ADAM19: variants seen among roughly 807,000 people sequenced by gnomAD.
The protein encoded by ADAM19 is ADAM metallopeptidase domain 19, also known as disintegrin and metalloproteinase domain-containing protein 19.
In ADAM19, 65 loss-of-function variants were observed where a neutral mutation model predicts 114.7. The ratio of observed to expected loss-of-function variants is 0.57; its 90% CI spans 0.46 to 0.70. The LOEUF is 0.70. Among genes scored for constraint, ADAM19 ranks in the 30% least tolerant of loss-of-function variants. ADAM19 has a pLI of 0.00. For synonymous variants in ADAM19, 466 were observed against 460.5 expected (o/e 1.01, Z -0.15); for missense variants, 1,063 against 1,204.7 (o/e 0.88, Z 1.74).
At chr5:157,502,715 G>C in intron 12 of ADAM19, 88 bp downstream of exon 12, 7 of 1,471,732 alleles carry the variant, frequency 4.8e-6, no homozygotes, top group Non-Finnish European at 6.6e-6. Context: ...CTGTGACTAA[G>C]AAATTTTCAA....
chr5:157,530,965 A>T, intron 4 of ADAM19, 82 bp from the exon 5 acceptor site: 1 of 1,226,136 alleles, frequency 8.2e-7, no homozygotes, highest in Non-Finnish European at 1.2e-6. Context: ...GTCATGGATG[A>T]CTCATGGCTT....
At chr5:157,495,600 G>A (rs2113704581) in intron 14 of ADAM19, among the ~76,000 whole-genome samples, 1 of 152,140 alleles carries the variant, frequency 6.6e-6, no homozygotes, top group East Asian at 1.9e-4. Flanking sequence ...GTATCTTCTA[G>A]AGATAATCTA....
At chr5:157,571,515 T>C (rs1757827357) in intron 1 of ADAM19, among the ~76,000 whole-genome samples, 1 of 152,158 alleles carries the variant, frequency 6.6e-6, no homozygotes, top group Non-Finnish European at 1.5e-5. Flanking sequence ...AAGACAGCCA[T>C]GGGTCTGATA....
rs1023832836 is a variant in ADAM19 at position 157,494,792 on chromosome 5, G to A, written c.1598C>T (p.Ala533Val). The A allele has an allele frequency of 2.5e-6, 4 of 1,613,256 alleles. No homozygotes were observed. Among genetic ancestry groups the A allele is most frequent in the African/African-American group, 1.3e-5 (1 of 74,884 alleles). The change falls in exon 15 of 23, where the codon GCC becomes GTC. Residue 533 changes from alanine (A) to valine (V), a missense_variant. Coordinates refer to ENST00000257527, the MANE Select transcript of ADAM19 (RefSeq NM_033274.5). ...EQCQQLWGPG[A>V]RPAPDLCFEK... is the part of the protein sequence containing the mutation. Reference sequence around the variant, plus strand: ...GAAGCAGAGGTCAGGGGCAGGTCGGGCTCCTGGGTGGGCAAGCAACATCTA... The same window carrying A: ...GAAGCAGAGGTCAGGGGCAGGTCGGACTCCTGGGTGGGCAAGCAACATCTA...
intron 3 of ADAM19, among the ~76,000 whole-genome samples, chr5:157,558,405 C>G (rs1757421746): frequency 1.3e-5 from 2 of 152,182 alleles, no homozygotes; most frequent in Non-Finnish European, 1.5e-5. Context: ...CTGCCAAATA[C>G]TTGGTTAAAG....
chr5:157,505,097 C>T (rs576031980), intron 11 of ADAM19, among the ~76,000 whole-genome samples: 255 of 134,968 alleles, frequency 1.9e-3, no homozygotes, highest in Admixed American at 7.7e-3. Flanking sequence ...CCAGCCTGGG[C>T]GACAGAGCAA....
intron 5 of ADAM19, among the ~76,000 whole-genome samples, chr5:157,523,731 C>T (rs766739834): frequency 3.9e-5 from 6 of 152,138 alleles, no homozygotes; most frequent in African/African-American, 7.2e-5. Context: ...CTTACGTATT[C>T]CTTTATAGCA....
At chr5:157,494,847 A>G (rs1360783560) in intron 14 of ADAM19, 52 bp from the exon 15 acceptor site, 9 of 1,440,470 alleles carry the variant, frequency 6.2e-6, no homozygotes, top group South Asian at 1.2e-5. Flanking sequence ...GAAGCCCCCA[A>G]GGGCAAAGGT....
rs1273567253 is a variant in ADAM19 at position 157,564,115 on chromosome 5, G to A, written c.251+258C>T. ...CTCACACATACACAGACCTCTGTGTGCCCGCAGTGAACTCCAGGGGCCCCT... is the reference window on the plus strand; with the variant it reads ...CTCACACATACACAGACCTCTGTGTACCCGCAGTGAACTCCAGGGGCCCCT... On this transcript the variant is annotated intron_variant, in intron 3 of 22. Coordinates refer to ENST00000257527, the MANE Select transcript of ADAM19 (RefSeq NM_033274.5). Among the ~76,000 whole-genome samples the A allele has an allele frequency of 2.6e-5, 4 of 152,302 alleles. No individual in the cohort carries two copies. In the East Asian group the frequency reaches 7.7e-4, roughly 29 times the overall value.
At chr5:157,530,493 C>A (rs1463686408) in intron 5 of ADAM19, among the ~76,000 whole-genome samples, 4 of 152,200 alleles carry the variant, frequency 2.6e-5, no homozygotes, top group African/African-American at 9.6e-5. Flanking sequence ...CAGCCGGGCC[C>A]CTCCCTTTTC....
Position 157,507,096 on chromosome 5 carries a change from A to T in ADAM19, c.950T>A (p.Met317Lys). 1 of 1,614,110 alleles carries T rather than the reference A, an allele frequency of 6.2e-7. No homozygotes were observed. Among genetic ancestry groups the T allele is most frequent in the Non-Finnish European group, 8.5e-7 (1 of 1,179,978 alleles). The change falls in exon 10 of 23, where the codon ATG (methionine) becomes AAG (lysine). Residue 317 changes from methionine to lysine, a missense_variant. By Grantham distance (95) the Met-to-Lys change is moderately conservative. Coordinates refer to ENST00000257527, the MANE Select transcript of ADAM19 (RefSeq NM_033274.5). Reference sequence around the variant, plus strand: ...AGACTGGTACACAGAGCACATGGCCATGAGGGGGGCCAGGCCGATGGTGGT... The same window carrying T: ...AGACTGGTACACAGAGCACATGGCCTTGAGGGGGGCCAGGCCGATGGTGGT... ...HGTTIGLAPL[M>K]AMCSVYQSGG... is the part of the protein sequence containing the mutation.
chr5:157,481,111 G>T, intron 22 of ADAM19, 109 bp from the exon 23 acceptor site: 1 of 1,404,324 alleles, frequency 7.1e-7, no homozygotes, highest in Non-Finnish European at 9.8e-7. Context: ...ACCACCCACT[G>T]AGAACAAAGG....
In ADAM19 at chr5:157,570,407, G is replaced by A. The variant is rs184295251; in HGVS notation, c.180+488C>T. On this transcript the variant is annotated intron_variant, in intron 2 of 22. Coordinates refer to ENST00000257527, the MANE Select transcript of ADAM19 (RefSeq NM_033274.5). ...CCAATCTCTTTGATAAAGCCTATGT[G>A]TTTTCCTGGTGTTCTGGCCAGGGGA... is the stretch of plus-strand genomic sequence containing the variant. The A allele has an allele frequency of 3.6e-3, 545 of 153,002 alleles. 4 individuals are homozygous for A. The highest frequency in any genetic ancestry group is 0.014 in the Middle Eastern group (4 of 294). 9.5% of individuals were successfully genotyped at this position (153,002 alleles called of 1,614,324 possible). A position where few individuals can be genotyped will look rare whatever the true frequency, so the allele number is the denominator to read the frequency against.
intron 5 of ADAM19, among the ~76,000 whole-genome samples, chr5:157,522,924 G>A (rs1559143): frequency 0.019 from 2,959 of 152,268 alleles, 90 homozygotes; most frequent in African/African-American, 0.068. Context: ...AGATGAAGGA[G>A]GTATGCAGCC....
At chr5:157,498,688 G>GTATATGTATATATA (rs1755446807) in intron 13 of ADAM19, among the ~76,000 whole-genome samples, 1 of 143,862 alleles carries the variant, frequency 7.0e-6, no homozygotes, top group Non-Finnish European at 1.5e-5. Flanking sequence ...ATGTGTGTAT[G>GTATATGTATATATA]TATATATATA....
chr5:157,507,120 G>A lies in ADAM19; in HGVS notation c.926C>T (p.Thr309Ile). 6.2e-7 allele frequency: 1 copy of A among 1,614,108 alleles called. No homozygotes were observed. The highest frequency in any genetic ancestry group is 8.5e-7 in the Non-Finnish European group (1 of 1,179,992). ...CATGAGGGGGGCCAGGCCGATGGTG[G>A]TGCCGTGGAAGGACATGCCCCTGCA... ...QLITGMSFHG[T>I]TIGLAPLMAM... is the part of the protein sequence containing the mutation. The change falls in exon 10 of 23, where the codon ACC becomes ATC. Residue 309 changes from threonine to isoleucine, a missense_variant. This residue lies in a region of ADAM19 where 615 missense variants were observed against 706.3 expected (regional missense o/e 0.87). Coordinates refer to ENST00000257527, the MANE Select transcript of ADAM19 (RefSeq NM_033274.5).
chr5:157,519,431 C>T (rs1440369375), intron 6 of ADAM19, among the ~76,000 whole-genome samples: 3 of 152,074 alleles, frequency 2.0e-5, no homozygotes, highest in Non-Finnish European at 4.4e-5. Context: ...CTACAGGCAC[C>T]CAGCCATCAT....
rs182111619 is a variant in ADAM19, at chr5:157,551,265, G to A, written c.251+13108C>T. ...ACTAAAAAGAAAATAATTAGCTGGCGTGGTGGTGCACGCCTGTAATCTCAG... is the reference window on the plus strand; with the variant it reads ...ACTAAAAAGAAAATAATTAGCTGGCATGGTGGTGCACGCCTGTAATCTCAG... On this transcript the variant is annotated intron_variant, in intron 3 of 22. Coordinates refer to ENST00000257527, the MANE Select transcript of ADAM19 (RefSeq NM_033274.5). Among the ~76,000 whole-genome samples, 270 of 151,958 alleles carry A rather than the reference G, an allele frequency of 1.8e-3. 1 individual carries two copies. The highest frequency in any genetic ancestry group is 3.4e-3 in the Non-Finnish European group (233 of 67,954).
rs368768876 is a variant in ADAM19, at chr5:157,491,735, A to T, written c.1987-12T>A. 9.7e-5 allele frequency: 155 copies of T among 1,601,794 alleles called. No homozygotes were observed. The highest frequency in any genetic ancestry group is 1.3e-4 in the Non-Finnish European group (151 of 1,172,484). On this transcript the variant is annotated splice_polypyrimidine_tract_variant and intron_variant, in intron 17 of 22. Coordinates refer to ENST00000257527, the MANE Select transcript of ADAM19 (RefSeq NM_033274.5). ...TTGTTGTTACAGACCTGGAGCAAAG[A>T]AAGGGCAGAGGCATCAGCACCCCAG...
Sources: allele counts gnomAD v4.1 joint callset (sites outside exome capture counted in the v4.1 genomes callset), GRCh38; gene constraint gnomAD v4.1.1; regional missense constraint gnomAD v4.1.1; transcripts MANE v1.5; gene names NCBI Gene and HGNC (gene_info 2026-07-23, HGNC 2026-07-21).